Variants in NSMCE2 observed in about 807,000 individuals in gnomAD.
NSMCE2 encodes NSE2 SUMO ligase component of SMC5/6 complex.
In NSMCE2, 24 loss-of-function variants were observed where a neutral mutation model predicts 23.8. That is an observed-to-expected ratio of 1.01 (90% CI 0.73 to 1.42). NSMCE2 has a LOEUF of 1.42. NSMCE2 is among the 40% of genes most tolerant of loss of function. The probability of loss-of-function intolerance (pLI) is 0.00; values close to 1 mark genes in which losing one functional copy is unlikely to be tolerated. For missense variants in NSMCE2, 284 were observed against 296.5 expected (o/e 0.96, Z 0.31); for synonymous variants, 92 against 94.1 (o/e 0.98, Z 0.13).
At chr8:125,217,365 T>TTTAA (rs1491099099) in intron 5 of NSMCE2, among the ~76,000 whole-genome samples, 2 of 147,736 alleles carry the variant, frequency 1.4e-5, no homozygotes, top group African/African-American at 4.9e-5. Flanking sequence ...ATTTATTTTT[T>TTTAA]ATTTATTTAT....
At chr8:125,173,674 A>G (rs754448399) in intron 4 of NSMCE2, among the ~76,000 whole-genome samples, 1 of 152,202 alleles carries the variant, frequency 6.6e-6, no homozygotes, top group African/African-American at 2.4e-5. Flanking sequence ...AGGCAGTTTC[A>G]TATTCAGAAT....
chr8:125,196,975 G>A (rs953893014), intron 5 of NSMCE2, among the ~76,000 whole-genome samples: 23 of 152,140 alleles, frequency 1.5e-4, no homozygotes, highest in Admixed American at 4.6e-4. Flanking sequence ...TTTTTCATGC[G>A]TCTGTTGGCC....
At chr8:125,247,257 C>CA (rs2130999508) in intron 5 of NSMCE2, among the ~76,000 whole-genome samples, 1 of 151,870 alleles carries the variant, frequency 6.6e-6, no homozygotes, top group South Asian at 2.1e-4. Flanking sequence ...TACCTGAGCC[C>CA]AGGAGGTCAA....
intron 5 of NSMCE2, among the ~76,000 whole-genome samples, chr8:125,184,766 G>A (rs1823011835): frequency 6.6e-6 from 1 of 152,086 alleles, no homozygotes; most frequent in African/African-American, 2.4e-5. Context: ...ATTTAACACT[G>A]TTGTGAGGGT....
intron 5 of NSMCE2, among the ~76,000 whole-genome samples, chr8:125,355,281 C>T (rs184974091): frequency 1.2e-3 from 175 of 151,894 alleles, no homozygotes; most frequent in African/African-American, 4.0e-3. Flanking sequence ...TTGAGGAAAG[C>T]CATTTTTATG....
At chr8:125,239,133 A>C (rs1825667454) in intron 5 of NSMCE2, among the ~76,000 whole-genome samples, 1 of 152,146 alleles carries the variant, frequency 6.6e-6, no homozygotes, top group Admixed American at 6.5e-5. Flanking sequence ...GGTTTCATGG[A>C]CTGAGCCACT....
chr8:125,254,695 T>G (rs1477625624), intron 5 of NSMCE2, among the ~76,000 whole-genome samples: 1 of 152,148 alleles, frequency 6.6e-6, no homozygotes, highest in East Asian at 1.9e-4. Context: ...CCTAATTTCC[T>G]TTGAGCCTTA....
At chr8:125,191,429 A>G (rs967355002) in intron 5 of NSMCE2, among the ~76,000 whole-genome samples, 4 of 152,106 alleles carry the variant, frequency 2.6e-5, no homozygotes, top group African/African-American at 9.7e-5. Context: ...ATTGACTTTT[A>G]ATAGGACTCT....
chr8:125,302,098 AG>A (rs1828589591), intron 5 of NSMCE2, among the ~76,000 whole-genome samples: 1 of 152,042 alleles, frequency 6.6e-6, no homozygotes, highest in Non-Finnish European at 1.5e-5. Flanking sequence ...CTGGGATTAC[AG>A]GTGCGTGGTA....
intron 5 of NSMCE2, among the ~76,000 whole-genome samples, chr8:125,258,735 TG>T (rs941444087): frequency 6.6e-6 from 1 of 150,622 alleles, no homozygotes; most frequent in Non-Finnish European, 1.5e-5. Flanking sequence ...TGGAGAGAGG[TG>T]GGGGGGTTAT....
intron 5 of NSMCE2, among the ~76,000 whole-genome samples, chr8:125,194,380 T>C (rs1440203433): frequency 6.6e-6 from 1 of 152,218 alleles, no homozygotes; most frequent in African/African-American, 2.4e-5. Context: ...CTTTCACTTA[T>C]CAGAGTGCAT....
intron 5 of NSMCE2, among the ~76,000 whole-genome samples, chr8:125,268,422 C>T (rs149204097): frequency 6.6e-6 from 1 of 151,976 alleles, no homozygotes; most frequent in Non-Finnish European, 1.5e-5. Flanking sequence ...CATGGGCTGC[C>T]TAGAGAATGA....
At chr8:125,295,823 A>G (rs1016589706) in intron 5 of NSMCE2, among the ~76,000 whole-genome samples, 2 of 152,174 alleles carry the variant, frequency 1.3e-5, no homozygotes, top group African/African-American at 4.8e-5. Context: ...TTTAAGCTCT[A>G]ATGAATTCTG....
intron 4 of NSMCE2, among the ~76,000 whole-genome samples, chr8:125,175,540 T>C (rs146758227): frequency 6.6e-6 from 1 of 152,358 alleles, no homozygotes; most frequent in East Asian, 1.9e-4. Flanking sequence ...GGCAGACATC[T>C]AACAATGGCT....
intron 5 of NSMCE2, among the ~76,000 whole-genome samples, chr8:125,184,930 G>C (rs528342566): frequency 6.6e-6 from 1 of 152,234 alleles, no homozygotes; most frequent in South Asian, 2.1e-4. Context: ...GAAAATAGAG[G>C]CCAGAGAGAG....
chr8:125,366,169 C>T (rs549883022), intron 7 of NSMCE2, among the ~76,000 whole-genome samples: 1 of 152,330 alleles, frequency 6.6e-6, no homozygotes, highest in East Asian at 1.9e-4. Flanking sequence ...TTGTTGCCCT[C>T]ATAGCCCATA....
intron 5 of NSMCE2, among the ~76,000 whole-genome samples, chr8:125,188,611 C>T (rs1586584926): frequency 6.6e-6 from 1 of 152,130 alleles, no homozygotes; most frequent in Non-Finnish European, 1.5e-5. Context: ...AGTTTGTAAC[C>T]TTTGCCTTTA....
intron 4 of NSMCE2, among the ~76,000 whole-genome samples, chr8:125,168,693 C>G (rs1197856094): frequency 6.6e-6 from 1 of 152,200 alleles, no homozygotes; most frequent in African/African-American, 2.4e-5. Context: ...TTCCCAGAGG[C>G]CTCACCTCCT....
At chr8:125,303,880 A>G (rs1340540160) in intron 5 of NSMCE2, among the ~76,000 whole-genome samples, 1 of 152,242 alleles carries the variant, frequency 6.6e-6, no homozygotes, top group East Asian at 1.9e-4. Context: ...CATTGTTTGT[A>G]TAACGTGTCC....
Sources: allele counts gnomAD v4.1 joint callset (sites outside exome capture counted in the v4.1 genomes callset), GRCh38; gene constraint gnomAD v4.1.1; transcripts MANE v1.5; gene names NCBI Gene and HGNC (gene_info 2026-07-23, HGNC 2026-07-21).